PDE3A: variants seen among roughly 807,000 people sequenced by gnomAD.
PDE3A encodes the protein cGMP-inhibited 3',5'-cyclic phosphodiesterase 3A.
PDE3A carries 43 observed loss-of-function variants against 98.3 expected under a neutral mutation model. That is an observed-to-expected ratio of 0.44 (90% CI 0.34 to 0.56). PDE3A has a LOEUF of 0.56. PDE3A is among the 20% of genes least tolerant of loss of function. The pLI, the probability that PDE3A is intolerant of heterozygous loss-of-function variation, is 0.01. For synonymous variants in PDE3A, 663 were observed against 567.9 expected (o/e 1.17, Z -2.38); for missense variants, 1,427 against 1,440.7 (o/e 0.99, Z 0.15).
Position 20,629,952 on chromosome 12 carries a change from C to CCT in PDE3A, c.1589_1590dup (p.Gln531SerfsTer30). On this transcript the variant is annotated frameshift_variant, in exon 6 of 16. Transcript: ENST00000359062. LOFTEE classifies it high-confidence loss of function. ...ACCTCTTTCATCGCCCTGCTCCTCA[C>CCT]CTCTCCAAGGGACTCCTGCCAGCAG... 6.2e-7 allele frequency: 1 copy of CCT among 1,614,046 alleles called. No individual in the cohort carries two copies.
chr12:20,391,724 A>G (rs1360728584), intron 1 of PDE3A, among the ~76,000 whole-genome samples: 1 of 151,762 alleles, frequency 6.6e-6, no homozygotes, highest in Non-Finnish European at 1.5e-5. Flanking sequence ...CTTTTGCCTA[A>G]TCACTACCAT....
intron 3 of PDE3A, among the ~76,000 whole-genome samples, chr12:20,615,074 T>G (rs1241444998): frequency 7.6e-6 from 1 of 131,972 alleles, no homozygotes; most frequent in Non-Finnish European, 1.5e-5. Context: ...CAGGCTGGAG[T>G]GCAGTGGCGT....
chr12:20,426,310 G>A (rs755176658), intron 1 of PDE3A, among the ~76,000 whole-genome samples: 2 of 152,122 alleles, frequency 1.3e-5, no homozygotes, highest in Non-Finnish European at 2.9e-5. Flanking sequence ...AACATCTGGA[G>A]CTTTTAGTTG....
chr12:20,438,753 T>C (rs945623604), intron 1 of PDE3A, among the ~76,000 whole-genome samples: 1 of 145,918 alleles, frequency 6.9e-6, no homozygotes, highest in African/African-American at 2.5e-5. Flanking sequence ...TCTTGTCACT[T>C]AAGATGTTGT....
rs1945777693 is a variant in PDE3A, at chr12:20,681,310, T to TAAGA, written c.*1040_*1043dup. 1 of 152,204 alleles carries TAAGA rather than the reference T, an allele frequency of 6.6e-6. No homozygotes were observed. The highest frequency in any genetic ancestry group is 6.5e-5 in the Admixed American group (1 of 15,282). The allele number at this position is 152,204 out of a possible 1,614,324, so 9.4% of individuals were successfully genotyped here. Reference sequence around the variant, plus strand: ...ATGGCATTCTTTATACCTAAACACCTAAGAGCTGAAGTCAGGTCTTTTAAT... The same window carrying TAAGA: ...ATGGCATTCTTTATACCTAAACACCTAAGAAAGAGCTGAAGTCAGGTCTTTTAAT... On this transcript the variant is annotated 3_prime_UTR_variant, in exon 16 of 16. Coordinates refer to ENST00000359062, the MANE Select transcript of PDE3A (RefSeq NM_000921.5).
intron 1 of PDE3A, among the ~76,000 whole-genome samples, chr12:20,492,415 T>C (rs914627127): frequency 0.018 from 11 of 628 alleles, no homozygotes; most frequent in Non-Finnish European, 0.045. Context: ...GTCTGCTATA[T>C]GTATGAGTCA....
intron 1 of PDE3A, among the ~76,000 whole-genome samples, chr12:20,520,828 G>A (rs977990418): frequency 2.0e-5 from 3 of 152,294 alleles, no homozygotes; most frequent in Middle Eastern, 6.8e-3. Context: ...AGAAATACTA[G>A]CATCTGTTTA....
intron 6 of PDE3A, among the ~76,000 whole-genome samples, chr12:20,631,700 A>ATTTTTTTTTTTTTT (rs58133440): frequency 5.1e-5 from 6 of 116,882 alleles, no homozygotes; most frequent in Admixed American, 8.4e-5. Context: ...ATCATAGTGT[A>ATTTTTTTTTTTTTT]TTTTTTTTTT....
In PDE3A at chr12:20,647,086, C is replaced by T. The variant is rs117453345; in HGVS notation, c.2565+136C>T. 32,172 of 613,876 alleles carry T rather than the reference C, an allele frequency of 0.052. 1,018 individuals carry two copies. The highest frequency in any genetic ancestry group is 0.087 in the Middle Eastern group (197 of 2,274). The allele number at this position is 613,876 out of a possible 1,614,324, so 38.0% of individuals were successfully genotyped here. On this transcript the variant is annotated intron_variant, in intron 12 of 15. Coordinates refer to ENST00000359062, the MANE Select transcript of PDE3A (RefSeq NM_000921.5). ...GTCTTACGTTGAAATTCTCAGAGAC[C>T]GTGCTAATTCTGAAAAGAAGCCATG...
chr12:20,496,444 A>G (rs1044608060), intron 1 of PDE3A, among the ~76,000 whole-genome samples: 4 of 152,060 alleles, frequency 2.6e-5, no homozygotes, highest in African/African-American at 9.7e-5. Flanking sequence ...CAAACAAACC[A>G]ACACAATTCT....
At chr12:20,537,169 C>T (rs1941770647) in intron 1 of PDE3A, among the ~76,000 whole-genome samples, 1 of 152,046 alleles carries the variant, frequency 6.6e-6, no homozygotes, top group African/African-American at 2.4e-5. Context: ...TGAGCATCTT[C>T]TCATGTACTT....
chr12:20,470,123 G>T (rs1945412044), intron 1 of PDE3A, among the ~76,000 whole-genome samples: 1 of 149,972 alleles, frequency 6.7e-6, no homozygotes. Context: ...AACTTGGATT[G>T]TTTTCTCTTA....
At chr12:20,673,813 C>A (rs1945557960) in intron 15 of PDE3A, among the ~76,000 whole-genome samples, 2 of 149,668 alleles carry the variant, frequency 1.3e-5, no homozygotes, top group Non-Finnish European at 3.0e-5. Flanking sequence ...CTAACCTGCA[C>A]AATGTGCACA....
At chr12:20,633,210 A>C (rs6487123) in intron 6 of PDE3A, among the ~76,000 whole-genome samples, 118,241 of 152,074 alleles carry the variant, frequency 0.78, 46,154 homozygotes, top group East Asian at 0.94. Flanking sequence ...CTTGGCCTCG[A>C]AAAGTGCTGG....
chr12:20,376,508 T>G (rs921362468), intron 1 of PDE3A, among the ~76,000 whole-genome samples: 5 of 152,010 alleles, frequency 3.3e-5, no homozygotes, highest in Non-Finnish European at 7.4e-5. Context: ...AGGTAGCCTC[T>G]GGAATGAATT....
At chr12:20,431,781 A>T (rs1944702994) in intron 1 of PDE3A, among the ~76,000 whole-genome samples, 1 of 152,222 alleles carries the variant, frequency 6.6e-6, no homozygotes, top group African/African-American at 2.4e-5. Flanking sequence ...ATAGAATCAA[A>T]GATAACTATG....
In PDE3A at chr12:20,673,690, G is replaced by T. The variant is rs1196907833; in HGVS notation, c.3185-6340G>T. Among the ~76,000 whole-genome samples, 3 of 132,660 alleles carry T rather than the reference G, an allele frequency of 2.3e-5. No homozygotes were observed. In the South Asian group the frequency reaches 7.7e-4, roughly 34 times the overall value. 87.0% of individuals were successfully genotyped at this position (132,660 alleles called of 152,430 possible). On this transcript the variant is annotated intron_variant, in intron 15 of 15. Transcript: ENST00000359062. ...ACAGGAAGGGGAATATCACACTGGGGACTGTTGTGGGGTGGGGGGAGGGGG... is the reference window on the plus strand; with the variant it reads ...ACAGGAAGGGGAATATCACACTGGGTACTGTTGTGGGGTGGGGGGAGGGGG...
intron 1 of PDE3A, among the ~76,000 whole-genome samples, chr12:20,500,276 A>T (rs926206953): frequency 6.6e-6 from 1 of 152,194 alleles, no homozygotes. Context: ...TAGATATGAT[A>T]AAGTAGAATA....
intron 14 of PDE3A, 87 bp from the exon 15 acceptor site, chr12:20,653,860 A>G: frequency 2.2e-6 from 3 of 1,370,174 alleles, no homozygotes; most frequent in Non-Finnish European, 3.0e-6. Context: ...CAAGTAAAGA[A>G]GTTTGTGCAT....
Sources: allele counts gnomAD v4.1 joint callset (sites outside exome capture counted in the v4.1 genomes callset), GRCh38; gene constraint gnomAD v4.1.1; transcripts MANE v1.5; gene names NCBI Gene and HGNC (gene_info 2026-07-23, HGNC 2026-07-21).